Variants in ARHGAP30 observed in about 807,000 individuals in gnomAD.
ARHGAP30 encodes rho GTPase-activating protein 30.
Under a neutral mutation model 72.0 loss-of-function variants are expected in ARHGAP30, and 23 were observed. That is an observed-to-expected ratio of 0.32 (90% CI 0.23 to 0.45). The LOEUF is 0.45. ARHGAP30 is among the 20% of genes least tolerant of loss of function. The pLI is 1.00. For missense variants in ARHGAP30, 1,319 were observed against 1,383.4 expected (o/e 0.95, Z 0.74); for synonymous variants, 576 against 528.2 (o/e 1.09, Z -1.24).
chr1:161,048,186 CTG>C lies in ARHGAP30; in HGVS notation c.2833_2834del (p.Gln945ValfsTer10), dbSNP rs1557913242. 4.3e-6 allele frequency: 7 copies of C among 1,614,226 alleles called. No individual in the cohort carries two copies. The highest frequency in any genetic ancestry group is 1.1e-5 in the South Asian group (1 of 91,088). The stretch of plus-strand genomic sequence containing the variant: ...ACATTGCACTGGGCATCTTGGCAAA[CTG>C]TGGCTTGGGGGGCACCACAGGCACA... ...RSVPVVPPKP[Q>X]FAKMPSAMCS... On this transcript the variant is annotated frameshift_variant, in exon 12 of 12. Transcript: ENST00000368013. LOFTEE classifies it high-confidence loss of function.
At position 161,052,954 on chromosome 1, in the gene ARHGAP30, C is replaced by G. The variant is rs1035660600; in HGVS notation, c.665-157G>C. On this transcript the variant is annotated intron_variant, in intron 6 of 11. Coordinates refer to ENST00000368013, the MANE Select transcript of ARHGAP30 (RefSeq NM_001025598.2). ...CATGTCCATCACCTCAAAAGAGTGC[C>G]CTCATGGACAAAGAGGGCTGGGAGA... 6 of 1,019,234 alleles carry G rather than the reference C, an allele frequency of 5.9e-6. No individual in the cohort carries two copies. In the Admixed American group the frequency reaches 1.7e-4, roughly 29 times the overall value. 63.1% of individuals were successfully genotyped at this position (1,019,234 alleles called of 1,614,324 possible). A position where few individuals can be genotyped will look rare whatever the true frequency, so the allele number is the denominator to read the frequency against.
chr1:161,069,422 C>T lies in ARHGAP30; in HGVS notation c.97+106G>A. ...GAATGGTGACCCCAGGCCACTGCCC[C>T]TTCCCCAGGAGCACCGGAAACTGCT... On this transcript the variant is annotated intron_variant, in intron 1 of 11. Coordinates refer to ENST00000368013, the MANE Select transcript of ARHGAP30 (RefSeq NM_001025598.2). This position sits in a 1 kb window ranked among gnomAD's most constrained non-coding sequence, Gnocchi z 4.9. 3.4e-6 allele frequency: 4 copies of T among 1,172,598 alleles called. No individual in the cohort carries two copies. Among genetic ancestry groups the T allele is most frequent in the African/African-American group, 1.5e-5 (1 of 66,360 alleles). The allele number at this position is 1,172,598 out of a possible 1,614,324, so 72.6% of individuals were successfully genotyped here.
chr1:161,052,360 T>C lies in ARHGAP30; in HGVS notation c.944A>G (p.Asp315Gly). 6.2e-7 allele frequency: 1 copy of C among 1,614,018 alleles called. No individual in the cohort carries two copies. Among genetic ancestry groups the C allele is most frequent in the South Asian group, 1.1e-5 (1 of 91,070 alleles). ...CCGCAGTGTCCCCTTGTTGGATTTA[T>C]CCTCTGTAAGACAGGGATGTGTGTA... ...KLPRGAEDRE[D>G]KSNKGTLRPA... The change falls in exon 9 of 12, where the codon GAT becomes GGT. Residue 315 changes from aspartate to glycine, a missense_variant. This residue lies in a region of ARHGAP30 where 1,097 missense variants were observed against 1,045.2 expected (regional missense o/e 1.05). Coordinates refer to ENST00000368013, the MANE Select transcript of ARHGAP30 (RefSeq NM_001025598.2).
intron 1 of ARHGAP30, among the ~76,000 whole-genome samples, chr1:161,064,827 GAAAGAGAA>G (rs762707363): frequency 0.14 from 9,090 of 66,074 alleles, 336 homozygotes; most frequent in Non-Finnish European, 0.16. Context: ...AAGAAAGAAA[GAAAGAGAA>G]AGAAAGAAAG....
chr1:161,064,832 A>AAAGG, intron 1 of ARHGAP30, among the ~76,000 whole-genome samples: 1 of 33,382 alleles, frequency 3.0e-5, no homozygotes, highest in South Asian at 9.1e-4. Context: ...AGAAAGAAAG[A>AAAGG]GAAAGAAAGA....
chr1:161,067,235 G>A (rs1472573955), intron 1 of ARHGAP30, among the ~76,000 whole-genome samples: 1 of 152,048 alleles, frequency 6.6e-6, no homozygotes, highest in East Asian at 1.9e-4. Flanking sequence ...ATAAGAGTAG[G>A]GTCAGGGAGG....
At chr1:161,057,716 C>T (rs1651982293) in intron 2 of ARHGAP30, among the ~76,000 whole-genome samples, 1 of 152,082 alleles carries the variant, frequency 6.6e-6, no homozygotes, top group Non-Finnish European at 1.5e-5. Context: ...ACAGGGATGG[C>T]TATAATAAAA....
Position 161,051,336 on chromosome 1 carries a change from A to C in ARHGAP30, c.1398T>G (p.Pro466=). Reference sequence around the variant, plus strand: ...CACCTGGGGGGCCAGGGCCAAGGCCAGGGCCAGGGCCAGGGCCAGAGGCAG... The same window carrying C: ...CACCTGGGGGGCCAGGGCCAAGGCCCGGGCCAGGGCCAGGGCCAGAGGCAG... The part of the protein sequence containing the change: ...PSPASGPGPG[P]GLGPGPPDEK... The change falls in exon 10 of 12, where the codon CCT becomes CCG. Residue 466 remains proline, a synonymous_variant. Coordinates refer to ENST00000368013, the MANE Select transcript of ARHGAP30 (RefSeq NM_001025598.2). The C allele has an allele frequency of 6.2e-7, 1 of 1,606,926 alleles. No homozygotes were observed. Among genetic ancestry groups the C allele is most frequent in the Non-Finnish European group, 8.5e-7 (1 of 1,176,268 alleles).
intron 1 of ARHGAP30, among the ~76,000 whole-genome samples, chr1:161,065,870 T>A (rs529004905): frequency 1.1e-5 from 1 of 90,638 alleles, no homozygotes; most frequent in Non-Finnish European, 1.9e-5. Context: ...CCCGGCCCCT[T>A]ATTTATTTAT....
intron 1 of ARHGAP30, among the ~76,000 whole-genome samples, chr1:161,063,592 T>C (rs1032071087): frequency 4.6e-5 from 7 of 152,152 alleles, no homozygotes; most frequent in African/African-American, 1.7e-4. Flanking sequence ...CAATATGAAA[T>C]GTGGGCACCC....
Position 161,069,787 on chromosome 1 carries a change from C to T in ARHGAP30, c.-163G>A, listed in dbSNP as rs1228748570. On this transcript the variant is annotated 5_prime_UTR_variant, in exon 1 of 12. Transcript: ENST00000368013. This position sits in a 1 kb window ranked among gnomAD's most constrained non-coding sequence, Gnocchi z 4.9. ...GTGGCCTGGGCAACGGGCAGCAGCT[C>T]CTGCCCCTGGGGCCCCGGCCACACG... 5.8e-6 allele frequency: 4 copies of T among 684,112 alleles called. No homozygotes were observed. The highest frequency in any genetic ancestry group is 9.8e-6 in the Non-Finnish European group (4 of 410,192). The allele number at this position is 684,112 out of a possible 1,614,324, so 42.4% of individuals were successfully genotyped here.
At chr1:161,055,794 TAAAATAAAATAA>T (rs1557926026) in intron 3 of ARHGAP30, among the ~76,000 whole-genome samples, 39 of 36,440 alleles carry the variant, frequency 1.1e-3, no homozygotes, top group South Asian at 2.4e-3. Context: ...AAAATTAAAA[TAAAATAAAATAA>T]TAAAATAAAA....
intron 1 of ARHGAP30, among the ~76,000 whole-genome samples, chr1:161,065,275 C>A (rs1003148838): frequency 1.3e-5 from 2 of 152,096 alleles, no homozygotes; most frequent in Non-Finnish European, 2.9e-5. Flanking sequence ...TGGGCCTGGC[C>A]TATGTTTACC....
rs1296878551 is a variant in ARHGAP30, at chr1:161,053,494, CTCTCTCTCTCTCGA to C, written c.537-123_537-110del. The C allele has an allele frequency of 4.3e-6, 4 of 928,670 alleles. No homozygotes were observed. In the African/African-American group the frequency reaches 2.3e-4, roughly 53 times the overall value. The allele number at this position is 928,670 out of a possible 1,614,324, so 57.5% of individuals were successfully genotyped here. On this transcript the variant is annotated intron_variant, in intron 5 of 11. Coordinates refer to ENST00000368013, the MANE Select transcript of ARHGAP30 (RefSeq NM_001025598.2). ...TCTCTCTCTCTCTCTCTCTCTCTCTCTCTCTCTCTCTCGAATGACCTTAACCCCTTCTCTACCTC... is the reference window on the plus strand; with the variant it reads ...TCTCTCTCTCTCTCTCTCTCTCTCTCATGACCTTAACCCCTTCTCTACCTC...
chr1:161,052,029 A>ACATAC (rs1651429464), intron 9 of ARHGAP30, among the ~76,000 whole-genome samples: 2 of 80,496 alleles, frequency 2.5e-5, no homozygotes, highest in Non-Finnish European at 4.8e-5. Flanking sequence ...CACCACCACC[A>ACATAC]CCACCACCAC....
At position 161,069,237 on chromosome 1, in the gene ARHGAP30, C is replaced by G. The variant is rs1199187949; in HGVS notation, c.97+291G>C. 6.6e-6 allele frequency among the ~76,000 whole-genome samples: 1 copy of G among 152,130 alleles called. No homozygotes were observed. Among genetic ancestry groups the G allele is most frequent in the African/African-American group, 2.4e-5 (1 of 41,408 alleles). On this transcript the variant is annotated intron_variant, in intron 1 of 11. Coordinates refer to ENST00000368013, the MANE Select transcript of ARHGAP30 (RefSeq NM_001025598.2). The surrounding 1 kb of genome is among the most constrained non-coding windows in gnomAD (Gnocchi z 4.9). ...TCACCTGCCCGCTGTTTCATCCACT[C>G]CTCCTCGGTTTCCAGTCTCTCCATC...
At chr1:161,061,460 T>C (rs1357139827) in intron 1 of ARHGAP30, among the ~76,000 whole-genome samples, 2 of 119,980 alleles carry the variant, frequency 1.7e-5, no homozygotes, top group East Asian at 4.7e-4. Context: ...ACCTGCTTTA[T>C]ATATGTTCTA....
At chr1:161,060,203 C>A (rs927187273) in intron 1 of ARHGAP30, 9 of 452,622 alleles carry the variant, frequency 2.0e-5, no homozygotes, top group African/African-American at 1.0e-4. Context: ...ATCACCTGAG[C>A]CCAGGAGGCA....
intron 1 of ARHGAP30, among the ~76,000 whole-genome samples, chr1:161,062,588 A>G (rs12078155): frequency 0.23 from 35,055 of 151,272 alleles, 4,608 homozygotes; most frequent in Middle Eastern, 0.3. Flanking sequence ...AATTAGCCTG[A>G]TGTGGTGGCA....
Sources: allele counts gnomAD v4.1 joint callset (sites outside exome capture counted in the v4.1 genomes callset), GRCh38; gene constraint gnomAD v4.1.1; regional missense constraint gnomAD v4.1.1; non-coding constraint Gnocchi (gnomAD v3.1); transcripts MANE v1.5; gene names NCBI Gene and HGNC (gene_info 2026-07-23, HGNC 2026-07-21).